Variants in TRPS1 observed in about 807,000 individuals in gnomAD.
The protein encoded by TRPS1 is transcriptional repressor GATA binding 1, also known as zinc finger transcription factor Trps1.
TRPS1 carries 6 observed loss-of-function variants against 101.2 expected under a neutral mutation model. That is an observed-to-expected ratio of 0.06 (90% CI 0.03 to 0.12). The LOEUF (loss-of-function observed/expected upper bound fraction) is 0.12. Ranked by LOEUF, TRPS1 falls within the 10% of genes least tolerant of loss-of-function variation. The probability of loss-of-function intolerance (pLI) is 1.00; values close to 1 mark genes in which losing one functional copy is unlikely to be tolerated. For missense variants in TRPS1, 1,363 were observed against 1,567.0 expected (o/e 0.87, Z 2.20); for synonymous variants, 578 against 589.8 (o/e 0.98, Z 0.29).
chr8:115,549,258 A>G (rs1019651480), intron 5 of TRPS1, among the ~76,000 whole-genome samples: 2 of 152,192 alleles, frequency 1.3e-5, no homozygotes, highest in Non-Finnish European at 2.9e-5. Context: ...AAGAATGCTC[A>G]AGGCTTATGA....
rs1388228398 is a variant in TRPS1 at position 115,619,582 on chromosome 8, C to T, written c.516G>A (p.Lys172=). The part of the protein sequence containing the change: ...ETKEDQKMSP[K]ATEETGQAQS... ...GTGCTTGCCCTGTTTCCTCTGTAGCCTTTGGTGACATCTTCTGATCTTCCT... is the reference window on the plus strand; with the variant it reads ...GTGCTTGCCCTGTTTCCTCTGTAGCTTTTGGTGACATCTTCTGATCTTCCT... Residue 172 remains lysine, a synonymous_variant, in exon 3 of 7, where the codon AAG becomes AAA. Coordinates refer to ENST00000395715, the MANE Select transcript of TRPS1 (RefSeq NM_014112.5). 4.3e-6 allele frequency: 7 copies of T among 1,614,040 alleles called. No individual in the cohort carries two copies. Among genetic ancestry groups the T allele is most frequent in the Non-Finnish European group, 5.9e-6 (7 of 1,180,038 alleles).
At chr8:115,635,583 A>T in intron 1 of TRPS1, among the ~76,000 whole-genome samples, 1 of 152,184 alleles carries the variant, frequency 6.6e-6, no homozygotes, top group Non-Finnish European at 1.5e-5. Context: ...AGAAATAAAT[A>T]AACAAGGAAG....
intron 5 of TRPS1, among the ~76,000 whole-genome samples, chr8:115,498,415 C>CTCTCTA (rs1486361297): frequency 8.4e-4 from 33 of 39,312 alleles, no homozygotes; most frequent in Admixed American, 2.1e-3. Context: ...CTCTCTCTCT[C>CTCTCTA]TATATATATA....
intron 5 of TRPS1, among the ~76,000 whole-genome samples, chr8:115,526,158 A>C (rs1815992230): frequency 6.6e-6 from 1 of 152,108 alleles, no homozygotes; most frequent in South Asian, 2.1e-4. Flanking sequence ...AAAATACAAA[A>C]ATTAGTCAGG....
intron 5 of TRPS1, among the ~76,000 whole-genome samples, chr8:115,484,449 C>A (rs1369243653): frequency 6.6e-6 from 1 of 152,092 alleles, no homozygotes; most frequent in African/African-American, 2.4e-5. Flanking sequence ...AGCTATAGTA[C>A]TTAGATGCTG....
At chr8:115,535,342 T>TATAGCGC (rs2130286096) in intron 5 of TRPS1, among the ~76,000 whole-genome samples, 1 of 148,144 alleles carries the variant, frequency 6.8e-6, no homozygotes, top group Non-Finnish European at 1.5e-5. Context: ...ATAGCGCATA[T>TATAGCGC]ATATAGCATA....
intron 5 of TRPS1, among the ~76,000 whole-genome samples, chr8:115,512,401 T>A (rs900301237): frequency 6.6e-6 from 1 of 151,648 alleles, no homozygotes; most frequent in African/African-American, 2.4e-5. Flanking sequence ...TAAATGAACA[T>A]AATTTAAAAT....
In TRPS1 at chr8:115,623,835, A is replaced by G. The variant is rs1159823021; in HGVS notation, c.-121-77T>C. 2.3e-6 allele frequency: 3 copies of G among 1,310,940 alleles called. No homozygotes were observed. In the African/African-American group the frequency reaches 4.5e-5, roughly 19 times the overall value. 81.2% of individuals were successfully genotyped at this position (1,310,940 alleles called of 1,614,324 possible). A position where few individuals can be genotyped will look rare whatever the true frequency, so the allele number is the denominator to read the frequency against. ...TTTTCATGTATCACACCTAAAATAT[A>G]TTAATATGCTGGCATCATAGGCTGC... On this transcript the variant is annotated intron_variant, in intron 1 of 6. Coordinates refer to ENST00000395715, the MANE Select transcript of TRPS1 (RefSeq NM_014112.5).
chr8:115,452,561 A>C (rs995709145), intron 5 of TRPS1, among the ~76,000 whole-genome samples: 3 of 152,234 alleles, frequency 2.0e-5, no homozygotes, highest in Non-Finnish European at 4.4e-5. Flanking sequence ...CAGTTTGCAG[A>C]CAATGGCATC....
intron 3 of TRPS1, among the ~76,000 whole-genome samples, chr8:115,617,809 G>A (rs2130527592): frequency 6.6e-6 from 1 of 152,220 alleles, no homozygotes; most frequent in African/African-American, 2.4e-5. Flanking sequence ...TAACTATGTT[G>A]GGTTAATTTG....
At chr8:115,648,829 C>G in intron 1 of TRPS1, among the ~76,000 whole-genome samples, 2 of 152,064 alleles carry the variant, frequency 1.3e-5, no homozygotes, top group Non-Finnish European at 2.9e-5. Context: ...AAGTCTAACC[C>G]AAACCACGCT....
intron 5 of TRPS1, among the ~76,000 whole-genome samples, chr8:115,423,608 A>AAAAC (rs752578012): frequency 3.0e-4 from 46 of 152,300 alleles, no homozygotes; most frequent in East Asian, 9.6e-4. Context: ...CTAAGTATTT[A>AAAAC]AAACAAACAA....
At chr8:115,654,302 T>C (rs1811631260) in intron 1 of TRPS1, among the ~76,000 whole-genome samples, 1 of 152,196 alleles carries the variant, frequency 6.6e-6, no homozygotes, top group African/African-American at 2.4e-5. Context: ...CATTTGAAGT[T>C]GAAATTTATC....
chr8:115,525,079 C>T (rs966088208), intron 5 of TRPS1, among the ~76,000 whole-genome samples: 2 of 151,970 alleles, frequency 1.3e-5, no homozygotes, highest in African/African-American at 2.4e-5. Flanking sequence ...CCAAGTCTTC[C>T]GAAAGCACCT....
At position 115,413,740 on chromosome 8, in the gene TRPS1, G is replaced by T; in HGVS notation, c.*283C>A. ...ATTCTAGTCTGGTGATATCTCTTATGGATTATTTCCCCAGTACATATTAGC... is the reference window on the plus strand; with the variant it reads ...ATTCTAGTCTGGTGATATCTCTTATTGATTATTTCCCCAGTACATATTAGC... On this transcript the variant is annotated 3_prime_UTR_variant, in exon 7 of 7. Transcript: ENST00000395715. 2.6e-6 allele frequency: 1 copy of T among 386,288 alleles called. No homozygotes were observed. The highest frequency in any genetic ancestry group is 4.7e-6 in the Non-Finnish European group (1 of 213,466). 23.9% of individuals were successfully genotyped at this position (386,288 alleles called of 1,614,324 possible).
intron 3 of TRPS1, among the ~76,000 whole-genome samples, chr8:115,612,761 A>T (rs1818199091): frequency 6.6e-6 from 1 of 152,200 alleles, no homozygotes; most frequent in Non-Finnish European, 1.5e-5. Context: ...GTGAATTCCC[A>T]AACTCCTCAC....
intron 4 of TRPS1, among the ~76,000 whole-genome samples, chr8:115,603,651 G>A (rs1030715640): frequency 1.3e-5 from 2 of 152,072 alleles, no homozygotes; most frequent in African/African-American, 4.8e-5. Context: ...TATGAAACAT[G>A]AGCATACAGT....
At chr8:115,578,821 C>T (rs1323913092) in intron 5 of TRPS1, among the ~76,000 whole-genome samples, 10 of 152,104 alleles carry the variant, frequency 6.6e-5, no homozygotes, top group Non-Finnish European at 1.2e-4. Flanking sequence ...AAGCATGTAT[C>T]ACTTATGTAA....
At chr8:115,596,468 C>T (rs764569063) in intron 4 of TRPS1, among the ~76,000 whole-genome samples, 15 of 151,676 alleles carry the variant, frequency 9.9e-5, no homozygotes, top group Middle Eastern at 3.4e-3. Context: ...CATCTAAGTT[C>T]GCAAACAAAT....
Sources: allele counts gnomAD v4.1 joint callset (sites outside exome capture counted in the v4.1 genomes callset), GRCh38; gene constraint gnomAD v4.1.1; transcripts MANE v1.5; gene names NCBI Gene and HGNC (gene_info 2026-07-23, HGNC 2026-07-21).